Variants in YJU2B observed in about 807,000 individuals in gnomAD.
YJU2B encodes the protein YJU2 splicing factor homolog B.
In YJU2B, 18 loss-of-function variants were observed where a neutral mutation model predicts 38.0. That is an observed-to-expected ratio of 0.47 (90% CI 0.33 to 0.70). The LOEUF is 0.70. Among genes scored for constraint, YJU2B ranks in the 30% least tolerant of loss-of-function variants. The pLI is 0.02. For synonymous variants in YJU2B, 246 were observed against 225.4 expected (o/e 1.09, Z -0.82); for missense variants, 538 against 556.3 (o/e 0.97, Z 0.33).
intron 2 of YJU2B, among the ~76,000 whole-genome samples, chr19:13,734,721 T>C (rs1377579211): frequency 6.6e-6 from 1 of 152,198 alleles, no homozygotes; most frequent in Non-Finnish European, 1.5e-5. Context: ...CCCAGGTAGC[T>C]GGGATTACAG....
chr19:13,756,168 C>G (rs770668090), intron 3 of YJU2B, 29 bp from the exon 4 acceptor site: 21 of 1,593,620 alleles, frequency 1.3e-5, no homozygotes, highest in Non-Finnish European at 1.6e-5. Context: ...CTCAGCAGCA[C>G]TAATCCGCTC....
At chr19:13,744,359 A>C (rs1268556306), upstream of YJU2B, among the ~76,000 whole-genome samples, 1 of 152,220 alleles carries the variant, frequency 6.6e-6, no homozygotes, top group African/African-American at 2.4e-5. Context: ...CATAAAGTTT[A>C]GTCTTCACTT....
At position 13,759,111 on chromosome 19, in the gene YJU2B, A is replaced by C. The variant is rs142725009; in HGVS notation, c.412A>C (p.Lys138Gln). The C allele has an allele frequency of 8.1e-5, 131 of 1,613,756 alleles. No individual in the cohort carries two copies. Among genetic ancestry groups the C allele is most frequent in the Middle Eastern group, 1.6e-4 (1 of 6,062 alleles). Residue 138 changes from lysine to glutamine, a missense_variant, in exon 8 of 10, where the codon AAG becomes CAG. This residue lies in a region of YJU2B where 488 missense variants were observed against 469.5 expected (regional missense o/e 1.04). Coordinates refer to ENST00000221554, the MANE Select transcript of YJU2B (RefSeq NM_030818.4). ...EQVLTTEHEK[K>Q]QKLETDAMFR... ...TCTGATCGTTGCAGAGCATGAGAAG[A>C]AGCAGAAGCTGGAGACGGACGCCAT...
At chr19:13,757,692 A>T (rs1973719702) in intron 5 of YJU2B, 94 bp from the exon 6 acceptor site, 1 of 1,332,138 alleles carries the variant, frequency 7.5e-7, no homozygotes, top group Admixed American at 1.7e-5. Context: ...GGGAACCCTC[A>T]GCAAGTGACA....
chr19:13,746,906 CA>C (rs961303804), upstream of YJU2B, among the ~76,000 whole-genome samples: 143 of 141,980 alleles, frequency 1.0e-3, no homozygotes, highest in Non-Finnish European at 8.5e-4. Context: ...GACTCCCTCT[CA>C]AAAAAAAAAA....
chr19:13,751,812 G>A lies in YJU2B; in HGVS notation c.3+1G>A. ...GGACCAGTAGGCAGCTCCCAAGATG[G>A]TGAGTAGACAGCCTCGTGTGCCCTG... On this transcript the variant is annotated splice_donor_variant, in intron 2 of 9. Transcript: ENST00000221554. LOFTEE classifies it high-confidence loss of function. 6.2e-7 allele frequency: 1 copy of A among 1,614,136 alleles called. No homozygotes were observed. Among genetic ancestry groups the A allele is most frequent in the Non-Finnish European group, 8.5e-7 (1 of 1,179,986 alleles).
Position 13,762,800 on chromosome 19 carries a change from A to G in YJU2B, c.923A>G (p.Gln308Arg). 1 of 1,603,226 alleles carries G rather than the reference A, an allele frequency of 6.2e-7. No individual in the cohort carries two copies. The highest frequency in any genetic ancestry group is 1.7e-5 in the Admixed American group (1 of 58,542). ...TCTCGGGACGTCCCGGAGAGCCCCC[A>G]GCATGCGGCCGACACCCCCAAGTCT... ...RRSRDVPESP[Q>R]HAADTPKSGE... Residue 308 changes from glutamine (Q) to arginine (R), a missense_variant, in exon 10 of 10, where the codon CAG becomes CGG. Around this residue, in one of 2 missense-constraint regions of YJU2B, gnomAD observed 488 missense variants for 469.5 expected, o/e 1.04. Transcript: ENST00000221554.
At chr19:13,751,281 GGC>G (rs1475399860) in intron 1 of YJU2B, among the ~76,000 whole-genome samples, 2 of 152,086 alleles carry the variant, frequency 1.3e-5, no homozygotes, top group Non-Finnish European at 2.9e-5. Context: ...TGGGTGTGGT[GGC>G]GCACGCTTGT....
intron 2 of YJU2B, among the ~76,000 whole-genome samples, chr19:13,739,768 T>C (rs1333848130): frequency 6.6e-6 from 1 of 152,168 alleles, no homozygotes; most frequent in East Asian, 1.9e-4. Flanking sequence ...CTGGGATACA[T>C]GTGCAGAACG....
intron 2 of YJU2B, among the ~76,000 whole-genome samples, chr19:13,735,070 C>T (rs1471414654): frequency 6.6e-6 from 1 of 152,164 alleles, no homozygotes; most frequent in Non-Finnish European, 1.5e-5. Context: ...TAATCCAGCA[C>T]TTTGGGAAGC....
chr19:13,738,879 C>G (rs1301348076), intron 2 of YJU2B, among the ~76,000 whole-genome samples: 3 of 128,098 alleles, frequency 2.3e-5, no homozygotes, highest in African/African-American at 9.2e-5. Context: ...GATGACAGAG[C>G]AAGACTCTGT....
chr19:13,762,753 C>G lies in YJU2B; in HGVS notation c.876C>G (p.Asp292Glu). The stretch of plus-strand genomic sequence containing the variant: ...CCACCTCCCCCATCACCGTCGGGGA[C>G]CTGGGCATCGTGCGGCGGAGGTCTC... ...ALATSPITVG[D>E]LGIVRRRSRD... Residue 292 changes from aspartate to glutamate, a missense_variant, in exon 10 of 10, where the codon GAC (aspartate) becomes GAG (glutamate). Physicochemically the swap from Asp to Glu is conservative, Grantham distance 45. Around this residue, in one of 2 missense-constraint regions of YJU2B, gnomAD observed 488 missense variants for 469.5 expected, o/e 1.04. Transcript: ENST00000221554. 6.2e-7 allele frequency: 1 copy of G among 1,608,568 alleles called. No homozygotes were observed. Among genetic ancestry groups the G allele is most frequent in the Non-Finnish European group, 8.5e-7 (1 of 1,178,790 alleles).
intron 5 of YJU2B, 111 bp downstream of exon 5, chr19:13,757,584 G>A (rs1359410074): frequency 3.2e-5 from 37 of 1,149,388 alleles, no homozygotes; most frequent in South Asian, 3.0e-4. Flanking sequence ...GGGAGGAGAC[G>A]GGCACCCGAG....
intron 2 of YJU2B, among the ~76,000 whole-genome samples, chr19:13,741,354 C>T (rs1021570863): frequency 1.3e-5 from 2 of 151,584 alleles, no homozygotes; most frequent in Non-Finnish European, 2.9e-5. Context: ...GGGGTTTCAC[C>T]GTGTTGGTCA....
chr19:13,738,662 C>T (rs200813064), intron 2 of YJU2B, among the ~76,000 whole-genome samples: 1 of 151,852 alleles, frequency 6.6e-6, no homozygotes, highest in East Asian at 1.9e-4. Context: ...GAGGCCGAGG[C>T]GGGCAGATCA....
chr19:13,732,277 A>G (rs536559920), exon 2 of YJU2B: 6 of 152,248 alleles, frequency 3.9e-5, no homozygotes, highest in African/African-American at 1.4e-4. Flanking sequence ...CTCACTGGAG[A>G]ATCCAGAGGT....
At chr19:13,745,678 G>GATAGATAGATAT (rs1973213414), upstream of YJU2B, among the ~76,000 whole-genome samples, 1 of 89,274 alleles carries the variant, frequency 1.1e-5, no homozygotes, top group African/African-American at 5.0e-5. Flanking sequence ...TAGATAGATA[G>GATAGATAGATAT]ATAGATAGAT....
At chr19:13,752,127 G>A (rs1973491299) in intron 2 of YJU2B, among the ~76,000 whole-genome samples, 1 of 152,004 alleles carries the variant, frequency 6.6e-6, no homozygotes, top group African/African-American at 2.4e-5. Flanking sequence ...ACTAATTTTT[G>A]TATTTTTAGT....
chr19:13,763,198 C>A lies in YJU2B; in HGVS notation c.*130C>A. 1.4e-6 allele frequency: 1 copy of A among 692,188 alleles called. No homozygotes were observed. The highest frequency in any genetic ancestry group is 2.8e-5 in the East Asian group (1 of 35,804). 42.9% of individuals were successfully genotyped at this position (692,188 alleles called of 1,614,324 possible). A position where few individuals can be genotyped will look rare whatever the true frequency, so the allele number is the denominator to read the frequency against. On this transcript the variant is annotated 3_prime_UTR_variant, in exon 10 of 10. Coordinates refer to ENST00000221554, the MANE Select transcript of YJU2B (RefSeq NM_030818.4). ...CTCAGATGCCGCATCCTCCCCAGACCGCGCCTTCCTGCAACCGTGGAGTTA... is the reference window on the plus strand; with the variant it reads ...CTCAGATGCCGCATCCTCCCCAGACAGCGCCTTCCTGCAACCGTGGAGTTA...
Sources: allele counts gnomAD v4.1 joint callset (sites outside exome capture counted in the v4.1 genomes callset), GRCh38; gene constraint gnomAD v4.1.1; regional missense constraint gnomAD v4.1.1; transcripts MANE v1.5; gene names NCBI Gene and HGNC (gene_info 2026-07-23, HGNC 2026-07-21).